NRG3: variants seen among roughly 807,000 people sequenced by gnomAD.
The protein encoded by NRG3 is pro-neuregulin-3, membrane-bound isoform.
NRG3 carries 31 observed loss-of-function variants against 66.9 expected under a neutral mutation model. That is an observed-to-expected ratio of 0.46 (90% CI 0.35 to 0.63). The LOEUF is 0.63. NRG3 is among the 20% of genes least tolerant of loss of function. The probability of loss-of-function intolerance (pLI) is 0.00; values close to 1 mark genes in which losing one functional copy is unlikely to be tolerated. For missense variants in NRG3, 910 were observed against 878.9 expected, an observed-to-expected ratio of 1.04 and a Z score of -0.45; for synonymous variants, 393 against 359.4, an observed-to-expected ratio of 1.09 and a Z score of -1.06.
At chr10:82,296,448 ATGGTGG>A (rs1444934946) in intron 1 of NRG3, among the ~76,000 whole-genome samples, 1 of 152,120 alleles carries the variant, frequency 6.6e-6, no homozygotes, top group Non-Finnish European at 1.5e-5. Context: ...GGCTAAGATG[ATGGTGG>A]TGGTGGAGGA....
At chr10:82,703,241 C>A (rs1232074281) in intron 2 of NRG3, among the ~76,000 whole-genome samples, 2 of 152,098 alleles carry the variant, frequency 1.3e-5, no homozygotes, top group Non-Finnish European at 2.9e-5. Flanking sequence ...GGGTTCTATG[C>A]TAACAAACTG....
chr10:82,104,673 G>A (rs1248955300), intron 1 of NRG3, among the ~76,000 whole-genome samples: 1 of 152,098 alleles, frequency 6.6e-6, no homozygotes, highest in Admixed American at 6.5e-5. Context: ...ATAAAATAAA[G>A]CATAAATCTT....
chr10:82,781,601 G>T (rs983809750), intron 3 of NRG3, among the ~76,000 whole-genome samples: 19 of 151,832 alleles, frequency 1.3e-4, no homozygotes, highest in African/African-American at 4.4e-4. Flanking sequence ...ATTTTTCTTG[G>T]GGTCAGCTTA....
intron 3 of NRG3, among the ~76,000 whole-genome samples, chr10:82,861,431 C>T (rs559465090): frequency 1.3e-5 from 2 of 152,268 alleles, no homozygotes; most frequent in East Asian, 1.9e-4. Context: ...AAGATTCCTA[C>T]TTATCCTATT....
At position 82,236,937 on chromosome 10, in the gene NRG3, G is replaced by A. The variant is rs555771605; in HGVS notation, c.824-121802G>A. 1.9e-4 allele frequency among the ~76,000 whole-genome samples: 29 copies of A among 152,062 alleles called. 1 individual carries two copies. The South Asian group carries it at 5.2e-3, about 27-fold the overall frequency. On this transcript the variant is annotated intron_variant, in intron 1 of 8. Coordinates refer to ENST00000372141, the MANE Select transcript of NRG3 (RefSeq NM_001010848.4). ...TCACCGTGTTAGCCAGGATGGTCTC[G>A]ATCTCCTGACCTTGTGGTCCGCCCA...
At chr10:82,233,152 C>T (rs2076572295) in intron 1 of NRG3, among the ~76,000 whole-genome samples, 1 of 152,164 alleles carries the variant, frequency 6.6e-6, no homozygotes, top group African/African-American at 2.4e-5. Context: ...ATCACGAGGT[C>T]AGGAGATCAA....
At chr10:82,109,902 T>G (rs1412603463) in intron 1 of NRG3, among the ~76,000 whole-genome samples, 2 of 152,162 alleles carry the variant, frequency 1.3e-5, no homozygotes, top group African/African-American at 4.8e-5. Flanking sequence ...ACTTGTGACC[T>G]GGCTGTCTGA....
chr10:82,242,876 A>G (rs1268292366), intron 1 of NRG3, among the ~76,000 whole-genome samples: 3 of 152,210 alleles, frequency 2.0e-5, no homozygotes, highest in Non-Finnish European at 2.9e-5. Flanking sequence ...GCAAATGCAC[A>G]GTCTGTTTCT....
intron 1 of NRG3, among the ~76,000 whole-genome samples, chr10:82,098,374 G>A (rs985444802): frequency 1.3e-5 from 2 of 151,726 alleles, no homozygotes; most frequent in Non-Finnish European, 2.9e-5. Flanking sequence ...CTGTATATGA[G>A]AAATGAGGCT....
At chr10:81,887,219 C>A (rs1038163897) in intron 1 of NRG3, among the ~76,000 whole-genome samples, 1 of 151,952 alleles carries the variant, frequency 6.6e-6, no homozygotes, top group African/African-American at 2.4e-5. Context: ...AAATGCATTT[C>A]CATTTGCTCA....
intron 2 of NRG3, among the ~76,000 whole-genome samples, chr10:82,522,539 C>T (rs1221600903): frequency 4.6e-5 from 7 of 152,090 alleles, no homozygotes; most frequent in Admixed American, 3.3e-4. Context: ...CGAAATATTT[C>T]GAGAAACACC....
At chr10:82,699,300 G>T (rs1264743040) in intron 2 of NRG3, among the ~76,000 whole-genome samples, 1 of 151,226 alleles carries the variant, frequency 6.6e-6, no homozygotes, top group African/African-American at 2.4e-5. Flanking sequence ...AGGGAGGGAG[G>T]GAGACAGGGA....
intron 1 of NRG3, chr10:82,229,259 G>C (rs2076329104): frequency 6.6e-6 from 1 of 152,128 alleles, no homozygotes; most frequent in Admixed American, 6.5e-5. Context: ...ATAGAAAGCA[G>C]TTGAAAAATA....
intron 1 of NRG3, among the ~76,000 whole-genome samples, chr10:82,245,701 G>C (rs879375490): frequency 1.3e-5 from 2 of 152,098 alleles, no homozygotes; most frequent in African/African-American, 2.4e-5. Context: ...TCAATTAATA[G>C]CAACTGTTAT....
At chr10:82,353,593 A>T (rs189524026) in intron 1 of NRG3, among the ~76,000 whole-genome samples, 14 of 152,092 alleles carry the variant, frequency 9.2e-5, no homozygotes, top group African/African-American at 3.1e-4. Context: ...CGAAACGTAT[A>T]AAAAAAATAA....
chr10:82,787,401 T>C (rs561497537), intron 3 of NRG3, among the ~76,000 whole-genome samples: 1 of 152,256 alleles, frequency 6.6e-6, no homozygotes, highest in Non-Finnish European at 1.5e-5. Context: ...TATCATGCTA[T>C]AAGTACATGA....
chr10:82,234,864 G>T (rs73304644), intron 1 of NRG3, among the ~76,000 whole-genome samples: 2,813 of 152,334 alleles, frequency 0.018, 105 homozygotes, highest in African/African-American at 0.065. Flanking sequence ...ATGCTATGCA[G>T]CGGGTCTCCA....
intron 4 of NRG3, among the ~76,000 whole-genome samples, chr10:82,878,320 C>T (rs1022400475): frequency 5.9e-5 from 9 of 152,096 alleles, no homozygotes; most frequent in East Asian, 1.9e-4. Flanking sequence ...AGAAGAAAAC[C>T]TTCTGAGGTT....
chr10:82,306,866 A>C (rs2080767139), intron 1 of NRG3, among the ~76,000 whole-genome samples: 1 of 151,900 alleles, frequency 6.6e-6, no homozygotes, highest in Non-Finnish European at 1.5e-5. Context: ...GAGTTTTGGT[A>C]AATTGTGTTT....
Sources: gnomAD v4.1 joint callset for allele counts (sites outside exome capture counted in the v4.1 genomes callset) on GRCh38, gnomAD v4.1.1 for gene constraint, MANE v1.5 for transcripts, NCBI Gene and HGNC (gene_info 2026-07-23, HGNC 2026-07-21) for gene names.